The following DCC variants were observed in gnomAD, a reference collection of about 807,000 sequenced individuals.
The protein encoded by DCC is netrin receptor DCC.
Under a neutral mutation model 172.5 loss-of-function variants are expected in DCC, and 58 were observed. That is an observed-to-expected ratio of 0.34 (90% CI 0.27 to 0.42). DCC has a LOEUF of 0.42. Ranked by LOEUF, DCC falls within the 10% of genes least tolerant of loss-of-function variation. The pLI is 1.00. For missense variants in DCC, 1,740 were observed against 1,791.0 expected, an observed-to-expected ratio of 0.97 and a Z score of 0.51; for synonymous variants, 709 against 644.5, an observed-to-expected ratio of 1.10 and a Z score of -1.52.
chr18:52,582,287 A>G (rs2033566778), intron 1 of DCC, among the ~76,000 whole-genome samples: 1 of 152,220 alleles, frequency 6.6e-6, no homozygotes, highest in Non-Finnish European at 1.5e-5. Context: ...GTGTTATTAG[A>G]AAATGCACCC....
chr18:52,412,988 G>A (rs1450032260), intron 1 of DCC, among the ~76,000 whole-genome samples: 2 of 151,916 alleles, frequency 1.3e-5, no homozygotes, highest in East Asian at 1.9e-4. Context: ...CAATTCAATC[G>A]ATTAAGCTTA....
At chr18:52,875,664 C>T (rs1347453015) in intron 2 of DCC, among the ~76,000 whole-genome samples, 1 of 152,200 alleles carries the variant, frequency 6.6e-6, no homozygotes, top group Non-Finnish European at 1.5e-5. Context: ...CATAACAATG[C>T]TATGATGCTC....
intron 2 of DCC, among the ~76,000 whole-genome samples, chr18:52,780,471 GATA>G (rs923669221): frequency 6.6e-6 from 1 of 152,060 alleles, no homozygotes; most frequent in Non-Finnish European, 1.5e-5. Context: ...ATTAATAAAA[GATA>G]ATAAGAGAAA....
chr18:52,439,174 T>TTATG (rs74178668), intron 1 of DCC, among the ~76,000 whole-genome samples: 2,732 of 144,724 alleles, frequency 0.019, 28 homozygotes, highest in Middle Eastern at 0.038. Context: ...AAGATATGTT[T>TTATG]TGTGTGTGTG....
chr18:53,167,815 G>A (rs1210174884), intron 8 of DCC, among the ~76,000 whole-genome samples: 2 of 152,158 alleles, frequency 1.3e-5, no homozygotes, highest in East Asian at 1.9e-4. Context: ...ACAAAAGAGA[G>A]CATTTAATGG....
chr18:53,388,548 A>T (rs1908327815), intron 16 of DCC, among the ~76,000 whole-genome samples: 1 of 152,200 alleles, frequency 6.6e-6, no homozygotes, highest in African/African-American at 2.4e-5. Context: ...CCATACTGGG[A>T]ATATCAGCAT....
intron 1 of DCC, among the ~76,000 whole-genome samples, chr18:52,353,712 C>T (rs12965947): frequency 0.077 from 11,637 of 152,012 alleles, 714 homozygotes; most frequent in East Asian, 0.31. Context: ...CTTTAACTGG[C>T]GTGCTCCAAA....
intron 5 of DCC, among the ~76,000 whole-genome samples, chr18:52,948,729 C>A (rs543652628): frequency 6.6e-6 from 1 of 152,294 alleles, no homozygotes; most frequent in South Asian, 2.1e-4. Context: ...CTTCTCATCA[C>A]ACTAATAAAC....
At chr18:53,428,863 T>C (rs1260806576) in intron 21 of DCC, among the ~76,000 whole-genome samples, 8 of 47,200 alleles carry the variant, frequency 1.7e-4, no homozygotes, top group African/African-American at 6.6e-4. Context: ...TTATATATTA[T>C]ATATTTTATA....
intron 7 of DCC, among the ~76,000 whole-genome samples, chr18:53,149,669 G>A (rs2043969994): frequency 6.6e-6 from 1 of 152,158 alleles, no homozygotes; most frequent in Admixed American, 6.5e-5. Flanking sequence ...GTGCAGATTT[G>A]AGCATAAAAC....
chr18:52,832,357 TGTG>T (rs2038630687), intron 2 of DCC, among the ~76,000 whole-genome samples: 1 of 152,112 alleles, frequency 6.6e-6, no homozygotes, highest in African/African-American at 2.4e-5. Context: ...AGAACTCTAT[TGTG>T]GGGGGCTCTG....
intron 27 of DCC, among the ~76,000 whole-genome samples, chr18:53,506,290 AC>A (rs1260586004): frequency 6.6e-6 from 1 of 152,218 alleles, no homozygotes; most frequent in Non-Finnish European, 1.5e-5. Context: ...GTTTAGACAA[AC>A]CAGAGCGACT....
intron 7 of DCC, among the ~76,000 whole-genome samples, chr18:53,078,563 AAGTGAAAAGGTCTAGGTT>A (rs2042754077): frequency 1.3e-5 from 2 of 152,148 alleles, no homozygotes; most frequent in African/African-American, 4.8e-5. Context: ...TATTTTGTTT[AAGTGAAAAGGTCTAGGTT>A]ACAATCTAGG....
At chr18:53,168,170 T>C (rs917531534) in intron 8 of DCC, among the ~76,000 whole-genome samples, 5 of 152,106 alleles carry the variant, frequency 3.3e-5, no homozygotes, top group Non-Finnish European at 7.3e-5. Flanking sequence ...TCCTCAAGGA[T>C]CTACAACCAG....
intron 5 of DCC, among the ~76,000 whole-genome samples, chr18:53,006,198 T>G (rs1040409284): frequency 6.6e-6 from 1 of 152,358 alleles, no homozygotes; most frequent in Admixed American, 6.5e-5. Flanking sequence ...CAAACTGGCT[T>G]TATGTCTCAT....
intron 8 of DCC, among the ~76,000 whole-genome samples, chr18:53,161,431 A>G (rs1213280599): frequency 2.0e-5 from 3 of 152,016 alleles, no homozygotes; most frequent in African/African-American, 4.8e-5. Flanking sequence ...TTTACTCCCA[A>G]TTTATCTGAT....
intron 7 of DCC, among the ~76,000 whole-genome samples, chr18:53,077,235 C>A (rs1357912622): frequency 1.3e-5 from 2 of 151,944 alleles, no homozygotes; most frequent in African/African-American, 2.4e-5. Context: ...CTACCTTGAG[C>A]CATTTATAAT....
At chr18:52,829,918 C>G (rs1290785289) in intron 2 of DCC, among the ~76,000 whole-genome samples, 1 of 152,058 alleles carries the variant, frequency 6.6e-6, no homozygotes, top group African/African-American at 2.4e-5. Context: ...AAGAAAATTT[C>G]ACTTTAAATA....
At chr18:52,518,489 C>T (rs575923095) in intron 1 of DCC, among the ~76,000 whole-genome samples, 3 of 152,282 alleles carry the variant, frequency 2.0e-5, no homozygotes, top group East Asian at 3.9e-4. Flanking sequence ...CTCCTTGTGT[C>T]GTTTCCTCTT....
Sources: gnomAD v4.1 joint callset for allele counts (sites outside exome capture counted in the v4.1 genomes callset) on GRCh38, gnomAD v4.1.1 for gene constraint, MANE v1.5 for transcripts, NCBI Gene and HGNC (gene_info 2026-07-23, HGNC 2026-07-21) for gene names.